The following SRCIN1 variants were observed in gnomAD, a reference collection of about 807,000 sequenced individuals.
SRCIN1 encodes the protein SRC kinase signaling inhibitor 1, also known as P130Cas-associated protein.
SRCIN1 carries 50 observed loss-of-function variants against 116.2 expected under a neutral mutation model. The observed-to-expected ratio is 0.43, with a 90% CI of 0.34 to 0.54. The LOEUF (loss-of-function observed/expected upper bound fraction) is 0.54, where lower values mean the gene tolerates loss of function less well. Ranked by LOEUF, SRCIN1 falls within the 20% of genes least tolerant of loss-of-function variation. The probability of loss-of-function intolerance (pLI) is 0.02; values close to 1 mark genes in which losing one functional copy is unlikely to be tolerated. For synonymous variants in SRCIN1, 736 were observed against 750.0 expected (o/e 0.98, Z 0.30); for missense variants, 1,446 against 1,672.0 (o/e 0.86, Z 2.36).
chr17:38,594,561 AG>A (rs1283265922), intron 1 of SRCIN1, among the ~76,000 whole-genome samples: 14 of 151,962 alleles, frequency 9.2e-5, no homozygotes, highest in Non-Finnish European at 2.9e-5. Context: ...AACCCTGGGC[AG>A]CAGGTGGGGA....
rs79154508 is a variant in SRCIN1, at chr17:38,533,095, T to TAAAAAAA, written c.*195_*201dup. On this transcript the variant is annotated 3_prime_UTR_variant, in exon 19 of 19. Transcript: ENST00000617146. ...AAAAAGATAATTAAAAGTTAATTGT[T>TAAAAAAA]AAAAAAAAAAAAAAAAACAAAACCA... 4.2e-5 allele frequency: 11 copies of TAAAAAAA among 260,652 alleles called. No homozygotes were observed. The highest frequency in any genetic ancestry group is 6.0e-5 in the African/African-American group (2 of 33,490). 16.1% of individuals were successfully genotyped at this position (260,652 alleles called of 1,614,324 possible). A position where few individuals can be genotyped will look rare whatever the true frequency, so the allele number is the denominator to read the frequency against.
Position 38,595,858 on chromosome 17 carries a change from A to G in SRCIN1, c.22+9826T>C, listed in dbSNP as rs979789018. Among the ~76,000 whole-genome samples the G allele has an allele frequency of 2.0e-4, 30 of 152,384 alleles. 1 individual carries two copies. Among genetic ancestry groups the G allele is most frequent in the Admixed American group, 1.9e-3 (29 of 15,312 alleles). On this transcript the variant is annotated intron_variant, in intron 1 of 18. Transcript: ENST00000617146. Reference sequence around the variant, plus strand: ...CACTCACTGACATGCACACACGTGCACATACAGACATGTTCTCTACCAGCC... The same window carrying G: ...CACTCACTGACATGCACACACGTGCGCATACAGACATGTTCTCTACCAGCC...
intron 2 of SRCIN1, among the ~76,000 whole-genome samples, chr17:38,573,731 C>T (rs1456258283): frequency 6.6e-6 from 1 of 152,256 alleles, no homozygotes; most frequent in African/African-American, 2.4e-5. Flanking sequence ...ATCACATCGT[C>T]CTCTGTCCTA....
chr17:38,595,879 C>A (rs1470870697), intron 1 of SRCIN1, among the ~76,000 whole-genome samples: 1 of 152,252 alleles, frequency 6.6e-6, no homozygotes, highest in East Asian at 1.9e-4. Flanking sequence ...TGTTCTCTAC[C>A]AGCCAAAGTG....
intron 2 of SRCIN1, among the ~76,000 whole-genome samples, chr17:38,573,241 T>A (rs1764281735): frequency 6.6e-6 from 1 of 152,052 alleles, no homozygotes; most frequent in South Asian, 2.1e-4. Context: ...CCCACCGGGG[T>A]CTTTGCTGTG....
intron 1 of SRCIN1, among the ~76,000 whole-genome samples, chr17:38,582,654 C>T (rs1347787290): frequency 6.6e-6 from 1 of 152,144 alleles, no homozygotes; most frequent in Non-Finnish European, 1.5e-5. Flanking sequence ...ATGATCTGCT[C>T]TCTCTGAGGG....
At chr17:38,591,032 T>C (rs973917920) in intron 1 of SRCIN1, among the ~76,000 whole-genome samples, 1 of 152,110 alleles carries the variant, frequency 6.6e-6, no homozygotes, top group Non-Finnish European at 1.5e-5. Flanking sequence ...AGGCTGGAAG[T>C]GGGGGTCCCA....
rs1205086191 is a variant in SRCIN1 at position 38,552,178 on chromosome 17, G to C, written c.2481-46C>G. ...AGCAGCTGTGAGGCCAGCAGGTGGT[G>C]ACCCTTCTGCAGGAAGGCTGCTCTG... On this transcript the variant is annotated intron_variant, in intron 13 of 18. Coordinates refer to ENST00000617146, the MANE Select transcript of SRCIN1 (RefSeq NM_025248.3). The surrounding 1 kb of genome is among the most constrained non-coding windows in gnomAD (Gnocchi z 5.3). 1 of 1,575,926 alleles carries C rather than the reference G, an allele frequency of 6.3e-7. No homozygotes were observed. Among genetic ancestry groups the C allele is most frequent in the Non-Finnish European group, 8.6e-7 (1 of 1,158,882 alleles).
Position 38,604,768 on chromosome 17 carries a change from G to A in SRCIN1, c.22+916C>T, listed in dbSNP as rs542729836. On this transcript the variant is annotated intron_variant, in intron 1 of 18. Coordinates refer to ENST00000617146, the MANE Select transcript of SRCIN1 (RefSeq NM_025248.3). The surrounding 1 kb of genome is among the most constrained non-coding windows in gnomAD (Gnocchi z 4.3). ...TGGCCCGGGAGCTTCTGACGTAGCAGGGGGGTGCGTGGGAGGGGAGGGGGG... is the reference window on the plus strand; with the variant it reads ...TGGCCCGGGAGCTTCTGACGTAGCAAGGGGGTGCGTGGGAGGGGAGGGGGG... 2.0e-5 allele frequency among the ~76,000 whole-genome samples: 3 copies of A among 152,090 alleles called. No individual in the cohort carries two copies. The highest frequency in any genetic ancestry group is 1.9e-4 in the East Asian group (1 of 5,164).
chr17:38,550,294 A>T lies in SRCIN1; in HGVS notation c.2962+861T>A, dbSNP rs888684323. Reference sequence around the variant, plus strand: ...CGGATCACGAGGTCAGGAGATCGAGACCATCCTGGCTAACACGGTGAGACC... The same window carrying T: ...CGGATCACGAGGTCAGGAGATCGAGTCCATCCTGGCTAACACGGTGAGACC... On this transcript the variant is annotated intron_variant, in intron 15 of 18. Coordinates refer to ENST00000617146, the MANE Select transcript of SRCIN1 (RefSeq NM_025248.3). 2.6e-5 allele frequency among the ~76,000 whole-genome samples: 4 copies of T among 152,130 alleles called. No homozygotes were observed. In the East Asian group the frequency reaches 7.7e-4, roughly 29 times the overall value.
At chr17:38,591,623 A>C (rs1908447082) in intron 1 of SRCIN1, among the ~76,000 whole-genome samples, 1 of 152,212 alleles carries the variant, frequency 6.6e-6, no homozygotes, top group Admixed American at 6.5e-5. Flanking sequence ...GCGCTGTTCC[A>C]GGGCCAGAAC....
intron 9 of SRCIN1, 63 bp downstream of exon 9, chr17:38,559,991 A>T: frequency 7.0e-7 from 1 of 1,425,842 alleles, no homozygotes; most frequent in Non-Finnish European, 9.7e-7. Context: ...CTTAATCCCC[A>T]CTTTATAGAT....
upstream of SRCIN1, among the ~76,000 whole-genome samples, chr17:38,606,309 G>C (rs1003805243): frequency 1.3e-5 from 2 of 151,954 alleles, no homozygotes; most frequent in Non-Finnish European, 2.9e-5. This position sits in a 1 kb window ranked among gnomAD's most constrained non-coding sequence, Gnocchi z 5.2. Context: ...TCCAAGCCCG[G>C]GCGCGCCTAG....
chr17:38,601,825 G>A (rs1393776241), intron 1 of SRCIN1, among the ~76,000 whole-genome samples: 1 of 152,166 alleles, frequency 6.6e-6, no homozygotes. Flanking sequence ...GTCCTCGAAA[G>A]CAGGGCCAGA....
Position 38,533,095 on chromosome 17 carries a change from TAAAA to T in SRCIN1, c.*198_*201del, listed in dbSNP as rs79154508. On this transcript the variant is annotated 3_prime_UTR_variant, in exon 19 of 19. Transcript: ENST00000617146. ...AAAAAGATAATTAAAAGTTAATTGT[TAAAA>T]AAAAAAAAAAAAACAAAACCAAAAA... The T allele has an allele frequency of 1.2e-5, 3 of 257,546 alleles. No homozygotes were observed. Among genetic ancestry groups the T allele is most frequent in the Admixed American group, 6.9e-5 (1 of 14,516 alleles). The allele number at this position is 257,546 out of a possible 1,614,324, so 16.0% of individuals were successfully genotyped here.
rs1567866157 is a variant in SRCIN1, at chr17:38,563,059, C to A, written c.741-139G>T. On this transcript the variant is annotated intron_variant, in intron 5 of 18. Transcript: ENST00000617146. This position sits in a 1 kb window ranked among gnomAD's most constrained non-coding sequence, Gnocchi z 5.8. The stretch of plus-strand genomic sequence containing the variant: ...ATCTCAGGCTGCCTGCACACACGCC[C>A]AGCAGCCTCCACCCCGGCCTCTTCC... The A allele has an allele frequency of 4.9e-6, 4 of 811,654 alleles. No homozygotes were observed. Among genetic ancestry groups the A allele is most frequent in the Non-Finnish European group, 7.9e-6 (4 of 507,786 alleles). The allele number at this position is 811,654 out of a possible 1,614,324, so 50.3% of individuals were successfully genotyped here.
chr17:38,598,757 G>A (rs1372416166), intron 1 of SRCIN1, among the ~76,000 whole-genome samples: 1 of 152,222 alleles, frequency 6.6e-6, no homozygotes, highest in Non-Finnish European at 1.5e-5. Context: ...TGGGGGAGCT[G>A]AGCCACCAGC....
chr17:38,544,038 C>A lies in SRCIN1; in HGVS notation c.3271-69G>T. ...GGTGAATCACACAGGAACCCTAGCA[C>A]TGGGTGGGGTCTCGGGGCTGGGACC... On this transcript the variant is annotated intron_variant, in intron 17 of 18. Transcript: ENST00000617146. The surrounding 1 kb of genome is among the most constrained non-coding windows in gnomAD (Gnocchi z 4.5). 6.7e-7 allele frequency: 1 copy of A among 1,491,692 alleles called. No individual in the cohort carries two copies. Among genetic ancestry groups the A allele is most frequent in the Non-Finnish European group, 8.9e-7 (1 of 1,118,934 alleles). The allele number at this position is 1,491,692 out of a possible 1,614,324, so 92.4% of individuals were successfully genotyped here.
chr17:38,601,630 ACACACACG>A lies in SRCIN1; in HGVS notation c.22+4046_22+4053del, dbSNP rs1567888454. ...GGGGGATGGCGCCCTCAACACATACACACACACGCACACACACACACACGCTCGCGCGC... is the reference window on the plus strand; with the variant it reads ...GGGGGATGGCGCCCTCAACACATACACACACACACACACACGCTCGCGCGC... On this transcript the variant is annotated intron_variant, in intron 1 of 18. Transcript: ENST00000617146. 3.6e-5 allele frequency among the ~76,000 whole-genome samples: 4 copies of A among 111,916 alleles called. No individual in the cohort carries two copies. The East Asian group carries it at 1.2e-3, about 34-fold the overall frequency. The allele number at this position is 111,916 out of a possible 152,430, so 73.4% of individuals were successfully genotyped here.
Sources: allele counts gnomAD v4.1 joint callset (sites outside exome capture counted in the v4.1 genomes callset), GRCh38; gene constraint gnomAD v4.1.1; non-coding constraint Gnocchi (gnomAD v3.1); transcripts MANE v1.5; gene names NCBI Gene and HGNC (gene_info 2026-07-23, HGNC 2026-07-21).